The following NCAM2 variants were observed in gnomAD, a reference collection of about 807,000 sequenced individuals.
The protein encoded by NCAM2 is N-CAM-2.
A neutral mutation model predicts 98.1 loss-of-function variants in NCAM2; 30 were observed. That is an observed-to-expected ratio of 0.31 (90% confidence interval 0.23 to 0.41). The LOEUF (loss-of-function observed/expected upper bound fraction) is 0.41, where lower values mean the gene tolerates loss of function less well. Among genes scored for constraint, NCAM2 ranks in the 10% least tolerant of loss-of-function variants. The probability of loss-of-function intolerance (pLI) is 1.00; values close to 1 mark genes in which losing one functional copy is unlikely to be tolerated. For missense variants in NCAM2, 867 were observed against 1,005.8 expected (o/e 0.86, Z 1.87); for synonymous variants, 368 against 342.4 (o/e 1.07, Z -0.83).
Position 20,998,503 on chromosome 21 carries a change from TTC to T in NCAM2, c.-54_-53del, listed in dbSNP as rs978898063. ...CAGAGGCGGCCGGGGCAGCGAAAGG[TTC>T]TCTCTCCAGGGCTGGACTTAATAAC... On this transcript the variant is annotated 5_prime_UTR_variant, in exon 1 of 18. Coordinates refer to ENST00000400546, the MANE Select transcript of NCAM2 (RefSeq NM_004540.5). 1 of 1,548,304 alleles carries T rather than the reference TTC, an allele frequency of 6.5e-7. No individual in the cohort carries two copies. Among genetic ancestry groups the T allele is most frequent in the African/African-American group, 1.4e-5 (1 of 73,092 alleles).
intron 1 of NCAM2, among the ~76,000 whole-genome samples, chr21:21,113,586 G>C (rs906098936): frequency 2.0e-5 from 3 of 151,954 alleles, no homozygotes; most frequent in Non-Finnish European, 4.4e-5. Flanking sequence ...AAGATGACTG[G>C]GAAACTATGA....
rs1446377849 is a variant in NCAM2, at chr21:21,459,445, TTATAATATA to T, written c.1655-7147_1655-7139del. 2.7e-5 allele frequency among the ~76,000 whole-genome samples: 4 copies of T among 148,800 alleles called. No homozygotes were observed. In the East Asian group the frequency reaches 5.8e-4, roughly 22 times the overall value. The stretch of plus-strand genomic sequence containing the variant: ...ACACACACACACACATATGCCATAT[TTATAATATA>T]TATAATATATATACACACATATAAT... On this transcript the variant is annotated intron_variant, in intron 12 of 17. Transcript: ENST00000400546.
chr21:21,295,407 A>C (rs1169409222), intron 5 of NCAM2, among the ~76,000 whole-genome samples: 4 of 151,784 alleles, frequency 2.6e-5, no homozygotes, highest in Non-Finnish European at 4.4e-5. Context: ...GTTTTTCACA[A>C]ATATTCTTCC....
chr21:21,048,588 C>T (rs935406014), intron 1 of NCAM2, among the ~76,000 whole-genome samples: 7 of 152,134 alleles, frequency 4.6e-5, no homozygotes, highest in South Asian at 2.1e-4. Flanking sequence ...CTCCTGACCT[C>T]GTGATCCACC....
rs1374411112 is a variant in NCAM2, at chr21:21,026,753, T to TAA, written c.55+28135_55+28136insAA. Among the ~76,000 whole-genome samples, 694 of 152,270 alleles carry TAA rather than the reference T, an allele frequency of 4.6e-3. 8 individuals are homozygous for TAA. Among genetic ancestry groups the TAA allele is most frequent in the African/African-American group, 0.015 (641 of 41,560 alleles). On this transcript the variant is annotated intron_variant, in intron 1 of 17. Transcript: ENST00000400546. ...TTGTGCACTTCTGTGGCATTTGTTT[T>TAA]TTCTCATTTTGTGGAGAAAATATCT...
chr21:21,392,014 G>A (rs2076391953), intron 9 of NCAM2, among the ~76,000 whole-genome samples: 1 of 152,162 alleles, frequency 6.6e-6, no homozygotes, highest in Non-Finnish European at 1.5e-5. Context: ...CAGAGGGTTT[G>A]TGTGTCTGTG....
intron 11 of NCAM2, among the ~76,000 whole-genome samples, chr21:21,428,382 A>G (rs1008947515): frequency 1.1e-4 from 17 of 152,224 alleles, no homozygotes. Flanking sequence ...AGTGCATTAG[A>G]TAATCCAGGA....
At chr21:21,487,790 A>T (rs1012681322) in intron 15 of NCAM2, among the ~76,000 whole-genome samples, 2 of 152,124 alleles carry the variant, frequency 1.3e-5, no homozygotes, top group Non-Finnish European at 2.9e-5. Flanking sequence ...AAGACCCACA[A>T]GTACCATGTT....
chr21:21,087,249 CG>C (rs2065923051), intron 1 of NCAM2, among the ~76,000 whole-genome samples: 1 of 152,090 alleles, frequency 6.6e-6, no homozygotes, highest in Admixed American at 6.5e-5. Flanking sequence ...CTTTGGATTT[CG>C]TCTGTTGTCT....
At chr21:21,088,380 T>C (rs569292981) in intron 1 of NCAM2, among the ~76,000 whole-genome samples, 1 of 152,324 alleles carries the variant, frequency 6.6e-6, no homozygotes, top group African/African-American at 2.4e-5. Flanking sequence ...TCAATAACTG[T>C]ATTTAAATTA....
chr21:21,062,663 G>A (rs1400947800), intron 1 of NCAM2, among the ~76,000 whole-genome samples: 1 of 152,160 alleles, frequency 6.6e-6, no homozygotes, highest in Non-Finnish European at 1.5e-5. Flanking sequence ...GGCAGTCCTA[G>A]CAAACGAATG....
intron 12 of NCAM2, among the ~76,000 whole-genome samples, chr21:21,458,775 C>G (rs186420355): frequency 6.6e-6 from 1 of 152,042 alleles, no homozygotes; most frequent in Admixed American, 6.6e-5. Flanking sequence ...GGCTTCTTGG[C>G]GTTGGTCTGC....
intron 10 of NCAM2, among the ~76,000 whole-genome samples, chr21:21,411,060 A>ATACATATATATGTG (rs1342337238): frequency 3.3e-5 from 3 of 90,968 alleles, no homozygotes; most frequent in Non-Finnish European, 6.6e-5. Flanking sequence ...GTGTGTATAT[A>ATACATATATATGTG]TATATATATA....
At chr21:21,370,732 A>G (rs1044362429) in intron 8 of NCAM2, among the ~76,000 whole-genome samples, 2 of 151,798 alleles carry the variant, frequency 1.3e-5, no homozygotes, top group Non-Finnish European at 2.9e-5. Context: ...AAGCTGTGGG[A>G]TGTGGGCTAG....
At chr21:21,310,041 G>A (rs77287224) in intron 5 of NCAM2, among the ~76,000 whole-genome samples, 1,981 of 152,222 alleles carry the variant, frequency 0.013, 42 homozygotes, top group African/African-American at 0.045. Context: ...CAAAATTTCA[G>A]TGTTCTAAGG....
At position 21,134,314 on chromosome 21, in the gene NCAM2, C is replaced by T. The variant is rs186992757; in HGVS notation, c.55+135696C>T. On this transcript the variant is annotated intron_variant, in intron 1 of 17. Transcript: ENST00000400546. ...CTTGAACTCCTGACCTCGTGATCTG[C>T]GCACCTCGGCCTCCCAAAGTGCTGG... Among the ~76,000 whole-genome samples, 58 of 152,146 alleles carry T rather than the reference C, an allele frequency of 3.8e-4. 1 individual carries two copies. The East Asian group carries it at 6.0e-3, about 16-fold the overall frequency.
At position 21,540,688 on chromosome 21, in the gene NCAM2, G is replaced by T. The variant is rs1253204739; in HGVS notation, c.*2731G>T. The stretch of plus-strand genomic sequence containing the variant: ...TAAATATTAGTATAAAGTGTCAAAA[G>T]AATTGACTGAATATAAGTACTGTTA... On this transcript the variant is annotated 3_prime_UTR_variant, in exon 18 of 18. Coordinates refer to ENST00000400546, the MANE Select transcript of NCAM2 (RefSeq NM_004540.5). The T allele has an allele frequency of 6.6e-6, 1 of 151,860 alleles. No homozygotes were observed. Among genetic ancestry groups the T allele is most frequent in the South Asian group, 2.1e-4 (1 of 4,828 alleles). The allele number at this position is 151,860 out of a possible 1,614,324, so 9.4% of individuals were successfully genotyped here.
chr21:21,100,409 C>T (rs2066215848), intron 1 of NCAM2, among the ~76,000 whole-genome samples: 1 of 151,872 alleles, frequency 6.6e-6, no homozygotes, highest in African/African-American at 2.4e-5. Context: ...CAAGATAAGG[C>T]ATATCTTTGT....
rs1301845339 is a variant in NCAM2, at chr21:21,263,420, TTAAAA to T, written c.56-17154_56-17150del. 2.6e-5 allele frequency among the ~76,000 whole-genome samples: 4 copies of T among 152,092 alleles called. No homozygotes were observed. In the East Asian group the frequency reaches 5.8e-4, roughly 22 times the overall value. On this transcript the variant is annotated intron_variant, in intron 1 of 17. Coordinates refer to ENST00000400546, the MANE Select transcript of NCAM2 (RefSeq NM_004540.5). ...TAATGGATAGGAAAAATCAATATTG[TTAAAA>T]TAACAATACTTTCCAAAGTAATCTA...
Sources: gnomAD v4.1 joint callset for allele counts (sites outside exome capture counted in the v4.1 genomes callset) on GRCh38, gnomAD v4.1.1 for gene constraint, MANE v1.5 for transcripts, NCBI Gene and HGNC (gene_info 2026-07-23, HGNC 2026-07-21) for gene names.